Variants in NKAPD1 observed in about 807,000 individuals in gnomAD.
NKAPD1 encodes the protein uncharacterized protein NKAPD1.
Under a neutral mutation model 30.9 loss-of-function variants are expected in NKAPD1, and 12 were observed. That is an observed-to-expected ratio of 0.39 (90% CI 0.25 to 0.63). NKAPD1 has a LOEUF of 0.63. Among genes scored for constraint, NKAPD1 ranks in the 20% least tolerant of loss-of-function variants. The pLI, the probability that NKAPD1 is intolerant of heterozygous loss-of-function variation, is 0.51. For missense variants in NKAPD1, 311 were observed against 344.5 expected, an observed-to-expected ratio of 0.90 and a Z score of 0.77; for synonymous variants, 91 against 113.6, an observed-to-expected ratio of 0.80 and a Z score of 1.26.
Position 112,083,059 on chromosome 11 carries a change from G to C in NKAPD1, c.*87G>C, listed in dbSNP as rs772078987. On this transcript the variant is annotated 3_prime_UTR_variant, in exon 6 of 6. Transcript: ENST00000393047. The stretch of plus-strand genomic sequence containing the variant: ...TTTGCCAGTGACTCTTGTTCAGCAC[G>C]GGGCCTGAGGTCAGAGCTGTCTTGT... The C allele has an allele frequency of 6.4e-6, 9 of 1,400,978 alleles. No individual in the cohort carries two copies. The highest frequency in any genetic ancestry group is 1.4e-5 in the African/African-American group (1 of 69,266). 86.8% of individuals were successfully genotyped at this position (1,400,978 alleles called of 1,614,324 possible). A position where few individuals can be genotyped will look rare whatever the true frequency, so the allele number is the denominator to read the frequency against.
intron 2 of NKAPD1, 141 bp from the exon 3 acceptor site, chr11:112,078,074 G>T: frequency 1.7e-6 from 1 of 572,052 alleles, no homozygotes; most frequent in Admixed American, 3.2e-5. Context: ...TCAAACTCTT[G>T]ACCTCATGAT....
chr11:112,081,871 C>A, intron 4 of NKAPD1, 111 bp from the exon 5 acceptor site: 1 of 823,146 alleles, frequency 1.2e-6, no homozygotes, highest in Non-Finnish European at 2.1e-6. Context: ...CATATCTCTA[C>A]TTTGTGTTTA....
At chr11:112,080,250 G>A (rs1865418360) in intron 3 of NKAPD1, among the ~76,000 whole-genome samples, 159 bp from the exon 4 acceptor site, 1 of 151,380 alleles carries the variant, frequency 6.6e-6, no homozygotes, top group Non-Finnish European at 1.5e-5. Context: ...GTATAGAGAG[G>A]AGCAGATAAT....
At chr11:112,075,969 G>A (rs1865322789) in intron 2 of NKAPD1, among the ~76,000 whole-genome samples, 1 of 152,162 alleles carries the variant, frequency 6.6e-6, no homozygotes, top group South Asian at 2.1e-4. Context: ...ATAGGTATAC[G>A]TTTACCAGGT....
Position 112,082,578 on chromosome 11 carries a change from A to C in NKAPD1, c.488A>C (p.Lys163Thr), listed in dbSNP as rs1258163822. The stretch of plus-strand genomic sequence containing the variant: ...AAGAAATCCCACAAAAAAAAGCAGA[A>C]AAAAAGGTCACACAAAAAACAGAAG... Reference protein sequence around the residue: ...KSKKSHKKKQKKRSHKKQKKS... With the variant: ...KSKKSHKKKQTKRSHKKQKKS... Residue 163 changes from lysine (K) to threonine (T), a missense_variant, in exon 6 of 6, where the codon AAA becomes ACA. Transcript: ENST00000393047. The C allele has an allele frequency of 6.2e-7, 1 of 1,613,438 alleles. No individual in the cohort carries two copies. The highest frequency in any genetic ancestry group is 1.3e-5 in the African/African-American group (1 of 74,910).
At chr11:112,077,411 A>T (rs1056310140) in intron 2 of NKAPD1, among the ~76,000 whole-genome samples, 4 of 152,180 alleles carry the variant, frequency 2.6e-5, no homozygotes, top group African/African-American at 9.7e-5. Context: ...TATTTTTGAC[A>T]AAAATTATAA....
chr11:112,080,787 G>A, intron 4 of NKAPD1: 4 of 496,790 alleles, frequency 8.1e-6, no homozygotes, highest in South Asian at 7.1e-5. Context: ...AAGAAATGAA[G>A]TACAGATACA....
In NKAPD1 at chr11:112,083,044, A is replaced by T; in HGVS notation, c.*72A>T. The T allele has an allele frequency of 6.7e-7, 1 of 1,493,604 alleles. No homozygotes were observed. Among genetic ancestry groups the T allele is most frequent in the Admixed American group, 2.3e-5 (1 of 44,276 alleles). 92.5% of individuals were successfully genotyped at this position (1,493,604 alleles called of 1,614,324 possible). On this transcript the variant is annotated 3_prime_UTR_variant, in exon 6 of 6. Transcript: ENST00000393047. ...CTTACTCCTTGTGGTTTTGCCAGTGACTCTTGTTCAGCACGGGGCCTGAGG... is the reference window on the plus strand; with the variant it reads ...CTTACTCCTTGTGGTTTTGCCAGTGTCTCTTGTTCAGCACGGGGCCTGAGG...
At chr11:112,079,451 A>C (rs757918296) in intron 3 of NKAPD1, among the ~76,000 whole-genome samples, 2 of 151,850 alleles carry the variant, frequency 1.3e-5, no homozygotes, top group African/African-American at 2.4e-5. Context: ...CTGGCCCCTT[A>C]AAAATTTTTG....
intron 5 of NKAPD1, 36 bp downstream of exon 5, chr11:112,082,071 G>C: frequency 6.6e-7 from 1 of 1,512,140 alleles, no homozygotes; most frequent in South Asian, 1.1e-5. Context: ...AAACTAAGAT[G>C]GTACAAAATC....
intron 3 of NKAPD1, among the ~76,000 whole-genome samples, chr11:112,078,788 G>A (rs777898971): frequency 4.6e-5 from 7 of 152,048 alleles, no homozygotes; most frequent in African/African-American, 7.3e-5. Context: ...CTGGGCTCAC[G>A]CAGTCCTCCC....
intron 3 of NKAPD1, 33 bp downstream of exon 3, chr11:112,078,348 C>T (rs571827345): frequency 6.7e-7 from 1 of 1,492,162 alleles, no homozygotes; most frequent in Admixed American, 1.8e-5. Flanking sequence ...TAAAATAATT[C>T]TCATCTTTTT....
chr11:112,078,163 A>G, intron 2 of NKAPD1, 52 bp from the exon 3 acceptor site: 1 of 1,384,426 alleles, frequency 7.2e-7, no homozygotes, highest in Non-Finnish European at 1.0e-6. Flanking sequence ...CTTTTCTGTA[A>G]TGTAAAGTTA....
At chr11:112,076,990 T>C (rs1018468386) in intron 2 of NKAPD1, among the ~76,000 whole-genome samples, 3 of 152,228 alleles carry the variant, frequency 2.0e-5, no homozygotes, top group Non-Finnish European at 4.4e-5. Flanking sequence ...GGGCTGGACA[T>C]AAAGGTTTCG....
chr11:112,082,917 C>A lies in NKAPD1; in HGVS notation c.827C>A (p.Thr276Lys). Residue 276 changes from threonine (T) to lysine (K), a missense_variant, in exon 6 of 6, where the codon ACA becomes AAA. Coordinates refer to ENST00000393047, the MANE Select transcript of NKAPD1 (RefSeq NM_018195.4). ...ATACAGGAGAGGACAAACAAACGCACAAATTGGAAAGTAGCTACAGATGAA... is the reference window on the plus strand; with the variant it reads ...ATACAGGAGAGGACAAACAAACGCAAAAATTGGAAAGTAGCTACAGATGAA... The part of the protein sequence containing the change: ...NEIQERTNKR[T>K]NWKVATDERS... 6.2e-7 allele frequency: 1 copy of A among 1,607,372 alleles called. No homozygotes were observed. The highest frequency in any genetic ancestry group is 8.5e-7 in the Non-Finnish European group (1 of 1,178,482).
In NKAPD1 at chr11:112,083,182, G is replaced by T; in HGVS notation, c.*210G>T. ...AGGGAATCTGGTATTTTGTTATGAA[G>T]GTTTCTTGAAGAGATTATTTTTTTT... On this transcript the variant is annotated 3_prime_UTR_variant, in exon 6 of 6. Coordinates refer to ENST00000393047, the MANE Select transcript of NKAPD1 (RefSeq NM_018195.4). 1 of 468,206 alleles carries T rather than the reference G, an allele frequency of 2.1e-6. No homozygotes were observed. The highest frequency in any genetic ancestry group is 3.3e-5 in the East Asian group (1 of 30,422). 29.0% of individuals were successfully genotyped at this position (468,206 alleles called of 1,614,324 possible). A position where few individuals can be genotyped will look rare whatever the true frequency, so the allele number is the denominator to read the frequency against.
chr11:112,075,566 G>T lies in NKAPD1; in HGVS notation c.-8-1G>T. On this transcript the variant is annotated splice_acceptor_variant, in intron 1 of 5. Coordinates refer to ENST00000393047, the MANE Select transcript of NKAPD1 (RefSeq NM_018195.4). LOFTEE classifies it low-confidence loss of function (5UTR_SPLICE). Reference sequence around the variant, plus strand: ...AAACGTTATTTGTTGATTCATTTCAGATTGAAGAATGTCCCGGATTCCACT... The same window carrying T: ...AAACGTTATTTGTTGATTCATTTCATATTGAAGAATGTCCCGGATTCCACT... 6.3e-7 allele frequency: 1 copy of T among 1,599,324 alleles called. No homozygotes were observed. The highest frequency in any genetic ancestry group is 1.1e-5 in the South Asian group (1 of 89,004).
chr11:112,080,874 G>A (rs554337084), intron 4 of NKAPD1: 84 of 322,940 alleles, frequency 2.6e-4, no homozygotes, highest in Non-Finnish European at 4.4e-4. Context: ...CATATTGTAT[G>A]ATTCTATTTA....
chr11:112,082,806 CTGAGGAAAG>C lies in NKAPD1; in HGVS notation c.726_734del (p.Ser242_Glu244del), dbSNP rs1259642603. ...TCAGATGATTCAGCATCCAGCAGTT[CTGAGGAAAG>C]TGAGGAAAGAGACACTAAGAAAACC... On this transcript the variant is annotated inframe_deletion, in exon 6 of 6. Transcript: ENST00000393047. 2.5e-6 allele frequency: 4 copies of C among 1,613,676 alleles called. No individual in the cohort carries two copies. Among genetic ancestry groups the C allele is most frequent in the Admixed American group, 3.3e-5 (2 of 59,918 alleles).
Sources: gnomAD v4.1 joint callset for allele counts (sites outside exome capture counted in the v4.1 genomes callset) on GRCh38, gnomAD v4.1.1 for gene constraint, MANE v1.5 for transcripts, NCBI Gene and HGNC (gene_info 2026-07-23, HGNC 2026-07-21) for gene names.